PELI1: variants seen among roughly 807,000 people sequenced by gnomAD.
The protein encoded by PELI1 is pellino E3 ubiquitin protein ligase 1, also known as E3 ubiquitin-protein ligase pellino homolog 1.
In PELI1, 15 loss-of-function variants were observed where a neutral mutation model predicts 41.3. That is an observed-to-expected ratio of 0.36 (90% CI 0.24 to 0.56). The LOEUF (loss-of-function observed/expected upper bound fraction) is 0.56. Among genes scored for constraint, PELI1 ranks in the 20% least tolerant of loss-of-function variants. PELI1 has a pLI of 0.82. For synonymous variants in PELI1, 178 were observed against 180.1 expected (o/e 0.99, Z 0.09); for missense variants, 403 against 525.5 (o/e 0.77, Z 2.28).
At chr2:64,107,682 AT>A (rs1250123733) in intron 2 of PELI1, among the ~76,000 whole-genome samples, 151 of 145,106 alleles carry the variant, frequency 1.0e-3, no homozygotes, top group Non-Finnish European at 9.5e-4. Flanking sequence ...ATTTCATTTC[AT>A]TTTTTTTTTT....
intron 1 of PELI1, among the ~76,000 whole-genome samples, chr2:64,117,240 C>T (rs1681026495): frequency 6.6e-6 from 1 of 152,082 alleles, no homozygotes; most frequent in Non-Finnish European, 1.5e-5. Context: ...TGCTCCATCA[C>T]TTAATATTTA....
chr2:64,101,976 TG>T (rs1303417982), intron 3 of PELI1, among the ~76,000 whole-genome samples: 1 of 151,980 alleles, frequency 6.6e-6, no homozygotes, highest in East Asian at 1.9e-4. Flanking sequence ...TACAGGTGCA[TG>T]CCACCACGCC....
chr2:64,140,302 T>C (rs1431643934), intron 1 of PELI1, among the ~76,000 whole-genome samples: 2 of 152,212 alleles, frequency 1.3e-5, no homozygotes, highest in Non-Finnish European at 2.9e-5. Flanking sequence ...TTCCCATTTA[T>C]AGGCATCAGC....
intron 3 of PELI1, among the ~76,000 whole-genome samples, chr2:64,101,478 T>C (rs1255270934): frequency 6.6e-6 from 1 of 152,216 alleles, no homozygotes; most frequent in East Asian, 1.9e-4. Flanking sequence ...GTGTTTTCTA[T>C]GTATATGAGT....
chr2:64,094,599 G>T lies in PELI1; in HGVS notation c.*103C>A. On this transcript the variant is annotated 3_prime_UTR_variant, in exon 7 of 7. Transcript: ENST00000358912. The stretch of plus-strand genomic sequence containing the variant: ...GTTTTAAAAAATTCTTCATCTTAAT[G>T]CAAATGACCAGAGCAGAAAAACTGT... 2 of 688,482 alleles carry T rather than the reference G, an allele frequency of 2.9e-6. No individual in the cohort carries two copies. The highest frequency in any genetic ancestry group is 4.8e-6 in the Non-Finnish European group (2 of 415,436). 42.6% of individuals were successfully genotyped at this position (688,482 alleles called of 1,614,324 possible). A position where few individuals can be genotyped will look rare whatever the true frequency, so the allele number is the denominator to read the frequency against.
rs377041268 is a variant in PELI1, at chr2:64,140,787, C to CAAAAAAAAAAAAAAAAAAAAAA, written c.-70+3293_-70+3294insTTTTTTTTTTTTTTTTTTTTTT. Among the ~76,000 whole-genome samples, 40 of 46,328 alleles carry CAAAAAAAAAAAAAAAAAAAAAA rather than the reference C, an allele frequency of 8.6e-4. 9 individuals carry two copies. The highest frequency in any genetic ancestry group is 1.8e-3 in the African/African-American group (15 of 8,532). The allele number at this position is 46,328 out of a possible 152,430, so 30.4% of individuals were successfully genotyped here. ...GAAGTGATCTACTCAAGACAACATG[C>CAAAAAAAAAAAAAAAAAAAAAA]AAAAAAAAAAAACAAACAAACAAAA... On this transcript the variant is annotated intron_variant, in intron 1 of 6. Transcript: ENST00000358912.
intron 1 of PELI1, among the ~76,000 whole-genome samples, chr2:64,113,067 C>T (rs1194118346): frequency 6.6e-6 from 1 of 151,786 alleles, no homozygotes; most frequent in Non-Finnish European, 1.5e-5. Flanking sequence ...CACTTGAGGC[C>T]AGGAGTTTGA....
intron 1 of PELI1, among the ~76,000 whole-genome samples, chr2:64,115,151 T>G (rs2103704802): frequency 6.6e-6 from 1 of 152,304 alleles, no homozygotes; most frequent in Middle Eastern, 3.4e-3. Context: ...TTAAAATATT[T>G]TAATATTGTG....
chr2:64,126,347 A>G (rs1681382917), intron 1 of PELI1, among the ~76,000 whole-genome samples: 1 of 152,206 alleles, frequency 6.6e-6, no homozygotes, highest in Non-Finnish European at 1.5e-5. Context: ...TATTTTTAGT[A>G]GAGACGGGGT....
rs1491515440 is a variant in PELI1 at position 64,104,680 on chromosome 2, GCT to G, written c.201+19_201+20del. 3 of 1,387,856 alleles carry G rather than the reference GCT, an allele frequency of 2.2e-6. No individual in the cohort carries two copies. The highest frequency in any genetic ancestry group is 1.6e-5 in the African/African-American group (1 of 62,072). The allele number at this position is 1,387,856 out of a possible 1,614,324, so 86.0% of individuals were successfully genotyped here. The stretch of plus-strand genomic sequence containing the variant: ...CAAATTCTCCAAGTTAATTTATGTA[GCT>G]TTTTTTTTTTTTTTTTACCTTTGCA... On this transcript the variant is annotated intron_variant, in intron 3 of 6. Coordinates refer to ENST00000358912, the MANE Select transcript of PELI1 (RefSeq NM_020651.4).
chr2:64,106,969 C>T (rs969035448), intron 2 of PELI1, among the ~76,000 whole-genome samples: 2 of 152,118 alleles, frequency 1.3e-5, no homozygotes, highest in African/African-American at 2.4e-5. Context: ...GCTCTGTTGC[C>T]CAGGTTGGAG....
intron 1 of PELI1, among the ~76,000 whole-genome samples, chr2:64,138,178 C>G (rs1392681572): frequency 6.6e-6 from 1 of 151,996 alleles, no homozygotes; most frequent in Non-Finnish European, 1.5e-5. Flanking sequence ...CTCAAATGAT[C>G]CTCCCACCTC....
intron 3 of PELI1, among the ~76,000 whole-genome samples, chr2:64,101,968 C>T (rs1298323053): frequency 6.6e-6 from 1 of 151,892 alleles, no homozygotes; most frequent in Non-Finnish European, 1.5e-5. Flanking sequence ...GCTGGGATTA[C>T]AGGTGCATGC....
Position 64,094,810 on chromosome 2 carries a change from T to A in PELI1, c.1149A>T (p.Pro383=). The A allele has an allele frequency of 1.2e-6, 2 of 1,614,108 alleles. No homozygotes were observed. Among genetic ancestry groups the A allele is most frequent in the Non-Finnish European group, 8.5e-7 (1 of 1,179,994 alleles). Residue 383 remains proline, a synonymous_variant, in exon 7 of 7, where the codon CCA becomes CCT. Coordinates refer to ENST00000358912, the MANE Select transcript of PELI1 (RefSeq NM_020651.4). ...EKTTAYWSQI[P]LPHGTHTFHA... ...GAAAAGTATGAGTACCATGAGGAAG[T>A]GGGATCTGGGACCAATAGGCAGTTG...
At chr2:64,132,709 T>TAA (rs1681594416) in intron 1 of PELI1, among the ~76,000 whole-genome samples, 2 of 152,122 alleles carry the variant, frequency 1.3e-5, no homozygotes, top group African/African-American at 4.8e-5. Flanking sequence ...TTAATAGTGA[T>TAA]ACGAAAGAGC....
chr2:64,113,124 T>TA (rs879504069), intron 1 of PELI1, among the ~76,000 whole-genome samples: 73 of 142,552 alleles, frequency 5.1e-4, no homozygotes, highest in South Asian at 1.6e-3. Flanking sequence ...ACAAAAGATT[T>TA]AAAAAAAAAA....
At chr2:64,139,563 A>G (rs1681827773) in intron 1 of PELI1, among the ~76,000 whole-genome samples, 1 of 152,206 alleles carries the variant, frequency 6.6e-6, no homozygotes, top group Non-Finnish European at 1.5e-5. Flanking sequence ...TCAAGGTGCT[A>G]GGATTACAGG....
intron 1 of PELI1, among the ~76,000 whole-genome samples, chr2:64,135,597 G>A (rs894621414): frequency 1.3e-5 from 2 of 152,156 alleles, no homozygotes; most frequent in Non-Finnish European, 2.9e-5. Context: ...TATTGGCAGA[G>A]TAATGAATAG....
At position 64,094,929 on chromosome 2, in the gene PELI1, G is replaced by A; in HGVS notation, c.1030C>T (p.Pro344Ser). The change falls in exon 7 of 7, where the codon CCT becomes TCT. Residue 344 changes from proline (P) to serine (S), a missense_variant. By Grantham distance (74) the Pro-to-Ser change is moderately conservative. Transcript: ENST00000358912. ...CCAGCTTCACATCCAAGCCACAGAG[G>A]AACATAGGGACCAACAGACCTACAC... ...PMCRSVGPYV[P>S]LWLGCEAGFY... 6.2e-7 allele frequency: 1 copy of A among 1,614,054 alleles called. No homozygotes were observed.
Sources: gnomAD v4.1 joint callset for allele counts (sites outside exome capture counted in the v4.1 genomes callset) on GRCh38, gnomAD v4.1.1 for gene constraint, MANE v1.5 for transcripts, NCBI Gene and HGNC (gene_info 2026-07-23, HGNC 2026-07-21) for gene names.